Variants in MRPL45 observed in about 807,000 individuals in gnomAD.
MRPL45 encodes the protein large ribosomal subunit protein mL45.
MRPL45 carries 20 observed loss-of-function variants against 38.1 expected under a neutral mutation model. The ratio of observed to expected loss-of-function variants is 0.53; its 90% CI spans 0.37 to 0.76. The LOEUF is 0.76. Ranked by LOEUF, MRPL45 falls within the 30% of genes least tolerant of loss-of-function variation. The pLI, the probability that MRPL45 is intolerant of heterozygous loss-of-function variation, is 0.00. For synonymous variants in MRPL45, 105 were observed against 128.8 expected (o/e 0.82, Z 1.25); for missense variants, 337 against 395.6 (o/e 0.85, Z 1.26).
Position 38,318,626 on chromosome 17 carries a change from A to G in MRPL45, c.462-61A>G, listed in dbSNP as rs193156261. On this transcript the variant is annotated intron_variant, in intron 4 of 7. Coordinates refer to ENST00000613675, the MANE Select transcript of MRPL45 (RefSeq NM_032351.6). Reference sequence around the variant, plus strand: ...GTTTTCCATTTTCAGGACCATTTTCAGTCTTCATACAGGGTATTATAAGAG... The same window carrying G: ...GTTTTCCATTTTCAGGACCATTTTCGGTCTTCATACAGGGTATTATAAGAG... 1.7e-4 allele frequency: 204 copies of G among 1,214,192 alleles called. 1 individual carries two copies. In the East Asian group the frequency reaches 1.9e-3, roughly 11 times the overall value. 75.2% of individuals were successfully genotyped at this position (1,214,192 alleles called of 1,614,324 possible).
chr17:38,297,276 C>T (rs1467187594), intron 1 of MRPL45, 27 bp downstream of exon 1: 5 of 1,604,360 alleles, frequency 3.1e-6, no homozygotes, highest in African/African-American at 1.3e-5. Context: ...CCGATAGGAC[C>T]CTAGGGGCTA....
intron 5 of MRPL45, 85 bp downstream of exon 5, chr17:38,318,820 T>TTA: frequency 3.4e-6 from 3 of 883,516 alleles, no homozygotes; most frequent in African/African-American, 2.5e-5. Context: ...TTCTTTTCTT[T>TTA]TCTTTTCTTT....
intron 3 of MRPL45, among the ~76,000 whole-genome samples, chr17:38,300,139 CT>C (rs2036978057): frequency 1.3e-5 from 2 of 152,024 alleles, no homozygotes; most frequent in South Asian, 4.1e-4. Flanking sequence ...CTGCCTCAGC[CT>C]CCCGAGTAGC....
chr17:38,312,055 T>A (rs895308131), intron 4 of MRPL45, among the ~76,000 whole-genome samples: 4 of 151,416 alleles, frequency 2.6e-5, no homozygotes, highest in African/African-American at 9.7e-5. Context: ...TTATCTTTTT[T>A]TTTTTTTTGA....
At chr17:38,308,169 C>T (rs2037073166) in intron 4 of MRPL45, among the ~76,000 whole-genome samples, 1 of 151,942 alleles carries the variant, frequency 6.6e-6, no homozygotes, top group Admixed American at 6.6e-5. Flanking sequence ...CGGAGTCTAG[C>T]TCTGTCATCC....
intron 4 of MRPL45, among the ~76,000 whole-genome samples, chr17:38,314,081 T>C (rs189520564): frequency 2.6e-5 from 4 of 152,340 alleles, no homozygotes; most frequent in African/African-American, 7.2e-5. Context: ...TCCCCCCATT[T>C]TATGGTTTGT....
rs776750720 is a variant in MRPL45, at chr17:38,297,179, A to G, written c.-5A>G. ...TCCCTTCCCGGCGGCCTTTGCGGGA[A>G]CAAGATGGCAGCCCCCATACCTCAA... On this transcript the variant is annotated 5_prime_UTR_variant, in exon 1 of 8. Coordinates refer to ENST00000613675, the MANE Select transcript of MRPL45 (RefSeq NM_032351.6). 8 of 1,614,060 alleles carry G rather than the reference A, an allele frequency of 5.0e-6. No individual in the cohort carries two copies. In the South Asian group the frequency reaches 5.5e-5, roughly 11 times the overall value.
At chr17:38,317,687 T>G (rs1463148208) in intron 4 of MRPL45, among the ~76,000 whole-genome samples, 1 of 152,064 alleles carries the variant, frequency 6.6e-6, no homozygotes, top group African/African-American at 2.4e-5. Flanking sequence ...TTCTCCTGCC[T>G]TAGCCTCCTG....
chr17:38,309,381 G>A (rs1274529579), intron 4 of MRPL45, among the ~76,000 whole-genome samples: 2 of 151,642 alleles, frequency 1.3e-5, no homozygotes, highest in African/African-American at 4.8e-5. Context: ...TTAGCCAGGT[G>A]TGGTGGTGCA....
At chr17:38,302,603 G>A (rs1010382931) in intron 3 of MRPL45, among the ~76,000 whole-genome samples, 3 of 150,578 alleles carry the variant, frequency 2.0e-5, no homozygotes, top group Admixed American at 6.7e-5. Flanking sequence ...AAGGCTTTGA[G>A]GTTAAAAGAG....
At chr17:38,313,311 A>AAATAT (rs1311544521) in intron 4 of MRPL45, among the ~76,000 whole-genome samples, 16 of 7,832 alleles carry the variant, frequency 2.0e-3, no homozygotes, top group African/African-American at 6.5e-3. Flanking sequence ...AAAAAAAAAA[A>AAATAT]ATATATATAT....
At chr17:38,306,910 A>C (rs1404471729) in intron 4 of MRPL45, among the ~76,000 whole-genome samples, 1 of 152,000 alleles carries the variant, frequency 6.6e-6, no homozygotes, top group African/African-American at 2.4e-5. Context: ...TTTTCACCCT[A>C]TCTGATCCCT....
intron 4 of MRPL45, among the ~76,000 whole-genome samples, chr17:38,313,988 C>A (rs112925562): frequency 1.3e-5 from 2 of 151,632 alleles, no homozygotes; most frequent in Non-Finnish European, 2.9e-5. Flanking sequence ...TTAAATTAGG[C>A]GGTTATTTTG....
At chr17:38,322,465 C>T (rs776928243) in intron 7 of MRPL45, 44 bp from the exon 8 acceptor site, 17 of 1,548,352 alleles carry the variant, frequency 1.1e-5, no homozygotes, top group Non-Finnish European at 1.2e-5. Flanking sequence ...TCTGGGTCAG[C>T]CATGGGCTTG....
At chr17:38,302,285 G>A (rs1344494494) in intron 3 of MRPL45, among the ~76,000 whole-genome samples, 4 of 151,526 alleles carry the variant, frequency 2.6e-5, no homozygotes, top group Non-Finnish European at 5.9e-5. Context: ...TCGGGAGTTC[G>A]AGACCAGCCT....
rs181096713 is a variant in MRPL45, at chr17:38,319,094, G to T, written c.510+359G>T. On this transcript the variant is annotated intron_variant, in intron 5 of 7. Coordinates refer to ENST00000613675, the MANE Select transcript of MRPL45 (RefSeq NM_032351.6). ...TCTGTCGCCCAGGATGGAGTGCAGT[G>T]GCGCTATCTCGGCTCACTGCAAGCT... Among the ~76,000 whole-genome samples, 285 of 151,452 alleles carry T rather than the reference G, an allele frequency of 1.9e-3. 1 individual carries two copies. Among genetic ancestry groups the T allele is most frequent in the African/African-American group, 6.8e-3 (279 of 41,240 alleles).
At chr17:38,304,695 C>T (rs1597646856) in intron 3 of MRPL45, among the ~76,000 whole-genome samples, 1 of 152,060 alleles carries the variant, frequency 6.6e-6, no homozygotes, top group African/African-American at 2.4e-5. Context: ...GGGCGCCTGC[C>T]ACCACGCCCA....
chr17:38,301,769 G>A (rs950655834), intron 3 of MRPL45, among the ~76,000 whole-genome samples: 22 of 152,206 alleles, frequency 1.4e-4, no homozygotes, highest in African/African-American at 5.1e-4. Flanking sequence ...AATACTGATC[G>A]CACACAAATA....
rs1356586760 is a variant in MRPL45, at chr17:38,320,729, G to A, written c.622G>A (p.Val208Met). Reference protein sequence around the residue: ...RCSSMMNQGNVYGQITVRMHT... With the variant: ...RCSSMMNQGNMYGQITVRMHT... Reference sequence around the variant, plus strand: ...TTCAAGTATGATGAACCAGGGCAACGTGTACGGCCAGATCACCGTACGCAT... The same window carrying A: ...TTCAAGTATGATGAACCAGGGCAACATGTACGGCCAGATCACCGTACGCAT... Residue 208 changes from valine (V) to methionine (M), a missense_variant, in exon 6 of 8, where the codon GTG becomes ATG. Coordinates refer to ENST00000613675, the MANE Select transcript of MRPL45 (RefSeq NM_032351.6). The A allele has an allele frequency of 8.1e-6, 13 of 1,614,024 alleles. No individual in the cohort carries two copies. The highest frequency in any genetic ancestry group is 2.7e-5 in the African/African-American group (2 of 74,924).
Sources: gnomAD v4.1 joint callset for allele counts (sites outside exome capture counted in the v4.1 genomes callset) on GRCh38, gnomAD v4.1.1 for gene constraint, MANE v1.5 for transcripts, NCBI Gene and HGNC (gene_info 2026-07-23, HGNC 2026-07-21) for gene names.